The following ZUP1 variants were observed in gnomAD, a reference collection of about 807,000 sequenced individuals.
ZUP1 encodes the protein zinc finger containing ubiquitin peptidase 1, also known as zinc finger-containing ubiquitin peptidase 1.
In ZUP1, 55 loss-of-function variants were observed where a neutral mutation model predicts 68.1. The observed-to-expected ratio is 0.81, with a 90% CI of 0.65 to 1.01. The LOEUF (loss-of-function observed/expected upper bound fraction) is 1.01. ZUP1 is among the 50% of genes least tolerant of loss of function. The pLI is 0.00. For missense variants in ZUP1, 684 were observed against 674.9 expected (o/e 1.01, Z -0.15); for synonymous variants, 223 against 221.5 (o/e 1.01, Z -0.06).
At chr6:116,649,171 T>C (rs1776403916) in intron 7 of ZUP1, among the ~76,000 whole-genome samples, 2 of 152,114 alleles carry the variant, frequency 1.3e-5, no homozygotes, top group Non-Finnish European at 2.9e-5. Context: ...TTAGTTTTTC[T>C]ATGTTAATGA....
At chr6:116,650,488 CAG>C (rs1776456011) in intron 7 of ZUP1, among the ~76,000 whole-genome samples, 1 of 133,830 alleles carries the variant, frequency 7.5e-6, no homozygotes, top group Non-Finnish European at 1.6e-5. Flanking sequence ...ACAAAGAAAA[CAG>C]AGACATTATA....
At chr6:116,644,070 C>G (rs1776209685) in intron 9 of ZUP1, among the ~76,000 whole-genome samples, 1 of 152,118 alleles carries the variant, frequency 6.6e-6, no homozygotes, top group Non-Finnish European at 1.5e-5. Flanking sequence ...TTTATGCAGC[C>G]AAAAGACTCA....
chr6:116,656,778 C>G lies in ZUP1; in HGVS notation c.867G>C (p.Arg289Ser). Residue 289 changes from arginine to serine, a missense_variant, in exon 5 of 10, where the codon AGG (arginine) becomes AGC (serine). By Grantham distance (110) the Arg-to-Ser change is moderately radical. Transcript: ENST00000368576. ...GAAATTCAGATGGAGGCATTCTTCC[C>G]CTATTTACTTCTATCTCCATATTTC... ...QLRNMEIEVNRGRMPPSEFHR... is the reference protein window; with the variant it reads ...QLRNMEIEVNSGRMPPSEFHR... 1.2e-6 allele frequency: 2 copies of G among 1,611,256 alleles called. No individual in the cohort carries two copies. Among genetic ancestry groups the G allele is most frequent in the Non-Finnish European group, 1.7e-6 (2 of 1,178,136 alleles).
At chr6:116,643,910 A>C (rs1229074649) in intron 9 of ZUP1, among the ~76,000 whole-genome samples, 2 of 151,844 alleles carry the variant, frequency 1.3e-5, no homozygotes, top group Non-Finnish European at 2.9e-5. Flanking sequence ...CAACCTACAA[A>C]ATAGGAGAAA....
intron 9 of ZUP1, among the ~76,000 whole-genome samples, chr6:116,639,578 G>A (rs1314131620): frequency 6.6e-6 from 1 of 152,132 alleles, no homozygotes; most frequent in Non-Finnish European, 1.5e-5. Flanking sequence ...CCAGGCAAAC[G>A]GTCTGGAGTG....
chr6:116,646,800 T>C (rs1023979315), intron 8 of ZUP1, among the ~76,000 whole-genome samples: 1 of 152,204 alleles, frequency 6.6e-6, no homozygotes, highest in Admixed American at 6.5e-5. Context: ...GGTCTCAAAC[T>C]GCTGGGCTCA....
At chr6:116,638,703 G>A (rs927758436) in intron 9 of ZUP1, among the ~76,000 whole-genome samples, 2 of 152,170 alleles carry the variant, frequency 1.3e-5, no homozygotes, top group Non-Finnish European at 2.9e-5. Context: ...TGGAGGAGGA[G>A]GAGCCAAGAT....
At position 116,656,786 on chromosome 6, in the gene ZUP1, C is replaced by A; in HGVS notation, c.859G>T (p.Val287Leu). 6.2e-7 allele frequency: 1 copy of A among 1,610,642 alleles called. No homozygotes were observed. The highest frequency in any genetic ancestry group is 2.2e-5 in the East Asian group (1 of 44,644). ...QQQLRNMEIEVNRGRMPPSEF... is the reference protein window; with the variant it reads ...QQQLRNMEIELNRGRMPPSEF... ...GATGGAGGCATTCTTCCCCTATTTA[C>A]TTCTATCTCCATATTTCGTAGTTGT... The change falls in exon 5 of 10, where the codon GTA becomes TTA. Residue 287 changes from valine (V) to leucine (L), a missense_variant. By Grantham distance (32) the Val-to-Leu change is conservative. Transcript: ENST00000368576.
chr6:116,660,686 T>C, intron 3 of ZUP1, 50 bp downstream of exon 3: 2 of 1,079,698 alleles, frequency 1.9e-6, no homozygotes, highest in South Asian at 1.4e-5. Context: ...ATATGTGTCC[T>C]AGAAAGTAGA....
At chr6:116,656,522 ATTAT>A (rs1360648708) in intron 5 of ZUP1, among the ~76,000 whole-genome samples, 158 bp downstream of exon 5, 3 of 152,174 alleles carry the variant, frequency 2.0e-5, no homozygotes, top group Non-Finnish European at 4.4e-5. Context: ...TTTTAAGTGA[ATTAT>A]TTATCATAAA....
intron 9 of ZUP1, among the ~76,000 whole-genome samples, chr6:116,642,803 T>C (rs1183544834): frequency 6.6e-6 from 1 of 151,924 alleles, no homozygotes; most frequent in Non-Finnish European, 1.5e-5. Flanking sequence ...CTCTCACCAC[T>C]CCTATTCAAC....
chr6:116,665,570 T>C (rs950440438), intron 2 of ZUP1, among the ~76,000 whole-genome samples: 2 of 79,130 alleles, frequency 2.5e-5, no homozygotes, highest in African/African-American at 1.1e-4. Flanking sequence ...AAAATTTTTC[T>C]TTTTTTTTTT....
intron 5 of ZUP1, among the ~76,000 whole-genome samples, chr6:116,654,620 A>G (rs1404925836): frequency 1.3e-5 from 2 of 152,050 alleles, no homozygotes; most frequent in Admixed American, 6.5e-5. Context: ...GGCACTATAT[A>G]TAACATTTAA....
rs977352249 is a variant in ZUP1 at position 116,664,409 on chromosome 6, T to C, written c.559+2225A>G. Among the ~76,000 whole-genome samples the C allele has an allele frequency of 8.9e-5, 13 of 146,860 alleles. No individual in the cohort carries two copies. In the Admixed American group the frequency reaches 9.0e-4, roughly 10 times the overall value. On this transcript the variant is annotated intron_variant, in intron 2 of 9. Transcript: ENST00000368576. ...TCGTGCCATTACACTCCAGCCTGGG[T>C]GACAGGGCAAAAGTCCATCAAAAAA...
At chr6:116,656,444 T>C (rs1289521603) in intron 5 of ZUP1, among the ~76,000 whole-genome samples, 1 of 152,228 alleles carries the variant, frequency 6.6e-6, no homozygotes, top group East Asian at 1.9e-4. Flanking sequence ...TGGCTCACAT[T>C]ATATTTCTCT....
At chr6:116,648,020 G>A (rs1776367405) in intron 7 of ZUP1, among the ~76,000 whole-genome samples, 2 of 152,140 alleles carry the variant, frequency 1.3e-5, no homozygotes, top group Admixed American at 1.3e-4. Context: ...CTGATGATCA[G>A]AAGCTGATTT....
At chr6:116,659,653 A>T (rs1420439154) in intron 3 of ZUP1, among the ~76,000 whole-genome samples, 1 of 152,092 alleles carries the variant, frequency 6.6e-6, no homozygotes, top group Non-Finnish European at 1.5e-5. Context: ...AAAAATACAC[A>T]TTTACAAAGT....
At chr6:116,654,614 C>T (rs1562406921) in intron 5 of ZUP1, among the ~76,000 whole-genome samples, 1 of 151,848 alleles carries the variant, frequency 6.6e-6, no homozygotes, top group East Asian at 1.9e-4. Flanking sequence ...ATTAAAGGCA[C>T]TATATATAAC....
chr6:116,653,268 A>C (rs1776570977), intron 5 of ZUP1, among the ~76,000 whole-genome samples: 1 of 152,006 alleles, frequency 6.6e-6, no homozygotes. Context: ...TCCCCAAGGT[A>C]CCAGCAACAT....
Sources: allele counts gnomAD v4.1 joint callset (sites outside exome capture counted in the v4.1 genomes callset), GRCh38; gene constraint gnomAD v4.1.1; transcripts MANE v1.5; gene names NCBI Gene and HGNC (gene_info 2026-07-23, HGNC 2026-07-21).